The following ARHGEF35 variants were observed in gnomAD, a reference collection of about 807,000 sequenced individuals.
The protein encoded by ARHGEF35 is Rho guanine nucleotide exchange factor (GEF) 35.
For missense variants in ARHGEF35, 114 were observed against 449.7 expected (o/e 0.25, Z 6.75); for synonymous variants, 47 against 170.4 (o/e 0.28, Z 5.64).
At chr7:144,191,098 G>A (rs1456960450) in intron 1 of ARHGEF35, among the ~76,000 whole-genome samples, 1 of 110,948 alleles carries the variant, frequency 9.0e-6, no homozygotes, top group South Asian at 3.2e-4. Context: ...CGTCTCGCCC[G>A]GGCCACTGCA....
Position 144,187,125 on chromosome 7 carries a change from T to G in ARHGEF35, c.1259A>C (p.Asp420Ala). The G allele has an allele frequency of 6.5e-7, 1 of 1,528,058 alleles. No homozygotes were observed. The highest frequency in any genetic ancestry group is 9.0e-7 in the Non-Finnish European group (1 of 1,115,010). 94.7% of individuals were successfully genotyped at this position (1,528,058 alleles called of 1,614,324 possible). The stretch of plus-strand genomic sequence containing the variant: ...GAGATATGAGGCACCTGGAAACAGG[T>G]CACAGTGAGGAGAGTCCTCAGGGGC... ...LIAPEDSPHC[D>A]LFPGASYLVT... Residue 420 changes from aspartate to alanine, a missense_variant, in exon 2 of 2, where the codon GAC (aspartate) becomes GCC (alanine). Asp to Ala is a moderately radical substitution (Grantham distance 126). Coordinates refer to ENST00000378115, the MANE Select transcript of ARHGEF35 (RefSeq NM_001003702.3).
chr7:144,186,975 A>G lies in ARHGEF35; in HGVS notation c.1409T>C (p.Leu470Ser). The change falls in exon 2 of 2, where the codon TTG (leucine) becomes TCG (serine). Residue 470 changes from leucine to serine, a missense_variant. By Grantham distance (145) the Leu-to-Ser change is moderately radical. Coordinates refer to ENST00000378115, the MANE Select transcript of ARHGEF35 (RefSeq NM_001003702.3). ...HQPISLLGSFLTEESPDKEKL... is the reference protein window; with the variant it reads ...HQPISLLGSFSTEESPDKEKL... ...TTCCTTGTCAGGTGACTCCTCAGTC[A>G]AAAAGGAGCCCAGTAGAGAAATGGG... is the stretch of plus-strand genomic sequence containing the variant. The G allele has an allele frequency of 1.9e-6, 3 of 1,540,994 alleles. No individual in the cohort carries two copies. Among genetic ancestry groups the G allele is most frequent in the Non-Finnish European group, 2.7e-6 (3 of 1,120,894 alleles).
chr7:144,186,843 C>A lies in ARHGEF35; in HGVS notation c.*86G>T. The A allele has an allele frequency of 1.8e-6, 2 of 1,083,958 alleles. No homozygotes were observed. Among genetic ancestry groups the A allele is most frequent in the South Asian group, 3.3e-5 (2 of 60,200 alleles). The allele number at this position is 1,083,958 out of a possible 1,614,324, so 67.1% of individuals were successfully genotyped here. A position where few individuals can be genotyped will look rare whatever the true frequency, so the allele number is the denominator to read the frequency against. On this transcript the variant is annotated 3_prime_UTR_variant, in exon 2 of 2. Coordinates refer to ENST00000378115, the MANE Select transcript of ARHGEF35 (RefSeq NM_001003702.3). ...CTAAACATTTGGAAATTTAAAAACA[C>A]ACTTCACAATAATCTATCAGTCAAA...
chr7:144,192,230 TACACACAC>T lies in ARHGEF35; in HGVS notation c.-13+3300_-13+3307del, dbSNP rs2699831. 4.2e-3 allele frequency among the ~76,000 whole-genome samples: 265 copies of T among 62,656 alleles called. 1 individual carries two copies. Among genetic ancestry groups the T allele is most frequent in the East Asian group, 0.016 (42 of 2,628 alleles). The allele number at this position is 62,656 out of a possible 152,430, so 41.1% of individuals were successfully genotyped here. A position where few individuals can be genotyped will look rare whatever the true frequency, so the allele number is the denominator to read the frequency against. On this transcript the variant is annotated intron_variant, in intron 1 of 1. Coordinates refer to ENST00000378115, the MANE Select transcript of ARHGEF35 (RefSeq NM_001003702.3). The stretch of plus-strand genomic sequence containing the variant: ...TACTGTCCTGCTTAGCCACTGTGTG[TACACACAC>T]ACACACACACACACACACACACACA...
At position 144,186,769 on chromosome 7, in the gene ARHGEF35, A is replaced by G; in HGVS notation, c.*160T>C. The G allele has an allele frequency of 1.4e-6, 1 of 697,756 alleles. No homozygotes were observed. Among genetic ancestry groups the G allele is most frequent in the Non-Finnish European group, 2.2e-6 (1 of 446,856 alleles). 43.2% of individuals were successfully genotyped at this position (697,756 alleles called of 1,614,324 possible). A position where few individuals can be genotyped will look rare whatever the true frequency, so the allele number is the denominator to read the frequency against. ...CCAGAGCAGATGAAAACCAGAAATC[A>G]TTGTAGGGAATCCAATTGGAAATCA... On this transcript the variant is annotated 3_prime_UTR_variant, in exon 2 of 2. Coordinates refer to ENST00000378115, the MANE Select transcript of ARHGEF35 (RefSeq NM_001003702.3).
At position 144,187,070 on chromosome 7, in the gene ARHGEF35, C is replaced by A. The variant is rs567390207; in HGVS notation, c.1314G>T (p.Glu438Asp). ...LVTQIPGTQT[E>D]SRAEELSPAA... ...CGGGGGACAGTTCCTCAGCCCTGGACTCTGTCTGAGTCCCGGGAATCTGAG... is the reference window on the plus strand; with the variant it reads ...CGGGGGACAGTTCCTCAGCCCTGGAATCTGTCTGAGTCCCGGGAATCTGAG... The change falls in exon 2 of 2, where the codon GAG becomes GAT. Residue 438 changes from glutamate (E) to aspartate (D), a missense_variant. Coordinates refer to ENST00000378115, the MANE Select transcript of ARHGEF35 (RefSeq NM_001003702.3). The A allele has an allele frequency of 1.3e-6, 2 of 1,542,884 alleles. No individual in the cohort carries two copies. Among genetic ancestry groups the A allele is most frequent in the African/African-American group, 1.4e-5 (1 of 70,266 alleles).
chr7:144,190,790 G>A (rs1728724558), intron 1 of ARHGEF35, among the ~76,000 whole-genome samples: 1 of 150,230 alleles, frequency 6.7e-6, no homozygotes, highest in Non-Finnish European at 1.5e-5. Flanking sequence ...GAGCATGGTG[G>A]CACGTGCCTG....
At chr7:144,192,223 CTG>C (rs1487590078) in intron 1 of ARHGEF35, among the ~76,000 whole-genome samples, 2,181 of 97,828 alleles carry the variant, frequency 0.022, 22 homozygotes, top group African/African-American at 0.055. Flanking sequence ...TGCTTAGCCA[CTG>C]TGTGTACACA....
rs1230410584 is a variant in ARHGEF35, at chr7:144,186,965, C to G, written c.1419G>C (p.Glu473Asp). 1 of 1,535,690 alleles carries G rather than the reference C, an allele frequency of 6.5e-7. No homozygotes were observed. Among genetic ancestry groups the G allele is most frequent in the Admixed American group, 1.7e-5 (1 of 57,710 alleles). ...ATAGAAGTTTTTCCTTGTCAGGTGA[C>G]TCCTCAGTCAAAAAGGAGCCCAGTA... The part of the protein sequence containing the change: ...ISLLGSFLTE[E>D]SPDKEKLLSV... Residue 473 changes from glutamate (E) to aspartate (D), a missense_variant, in exon 2 of 2, where the codon GAG becomes GAC. By Grantham distance (45) the Glu-to-Asp change is conservative. Coordinates refer to ENST00000378115, the MANE Select transcript of ARHGEF35 (RefSeq NM_001003702.3).
intron 1 of ARHGEF35, among the ~76,000 whole-genome samples, chr7:144,189,874 T>C (rs1442429788): frequency 3.8e-5 from 5 of 133,298 alleles, no homozygotes; most frequent in Admixed American, 3.7e-4. Context: ...TGGTGCAATC[T>C]TGGGTCATTG....
At position 144,186,827 on chromosome 7, in the gene ARHGEF35, T is replaced by G. The variant is rs2051958085; in HGVS notation, c.*102A>C. On this transcript the variant is annotated 3_prime_UTR_variant, in exon 2 of 2. Transcript: ENST00000378115. ...AAAGATATGAAAATCCCTAAACATT[T>G]GGAAATTTAAAAACACACTTCACAA... The G allele has an allele frequency of 2.0e-6, 2 of 1,008,020 alleles. No individual in the cohort carries two copies. The highest frequency in any genetic ancestry group is 6.4e-5 in the Admixed American group (2 of 31,394). 62.4% of individuals were successfully genotyped at this position (1,008,020 alleles called of 1,614,324 possible).
Position 144,186,908 on chromosome 7 carries a change from T to C in ARHGEF35, c.*21A>G. The C allele has an allele frequency of 4.2e-6, 6 of 1,428,116 alleles. No homozygotes were observed. Among genetic ancestry groups the C allele is most frequent in the Non-Finnish European group, 5.7e-6 (6 of 1,056,006 alleles). The allele number at this position is 1,428,116 out of a possible 1,614,324, so 88.5% of individuals were successfully genotyped here. ...AAATTTAAAAATACATTGAACTGGA[T>C]AAACATGAAACTGTGACATATCAAA... On this transcript the variant is annotated 3_prime_UTR_variant, in exon 2 of 2. Transcript: ENST00000378115.
At position 144,189,806 on chromosome 7, in the gene ARHGEF35, C is replaced by CTTT. The variant is rs202193464; in HGVS notation, c.-12-1414_-12-1412dup. On this transcript the variant is annotated intron_variant, in intron 1 of 1. Transcript: ENST00000378115. ...TTTCCTCCAGTCTTTTTTTTTCTTT[C>CTTT]TTTTTTTTTTTTTTTTTTGAGATGG... Among the ~76,000 whole-genome samples, 154 of 102,048 alleles carry CTTT rather than the reference C, an allele frequency of 1.5e-3. 2 individuals carry two copies. Among genetic ancestry groups the CTTT allele is most frequent in the East Asian group, 5.2e-3 (18 of 3,492 alleles). The allele number at this position is 102,048 out of a possible 152,430, so 66.9% of individuals were successfully genotyped here.
chr7:144,186,846 T>G lies in ARHGEF35; in HGVS notation c.*83A>C. The G allele has an allele frequency of 9.0e-7, 1 of 1,112,866 alleles. No individual in the cohort carries two copies. Among genetic ancestry groups the G allele is most frequent in the Non-Finnish European group, 1.2e-6 (1 of 801,204 alleles). 68.9% of individuals were successfully genotyped at this position (1,112,866 alleles called of 1,614,324 possible). ...AACATTTGGAAATTTAAAAACACAC[T>G]TCACAATAATCTATCAGTCAAAGAA... On this transcript the variant is annotated 3_prime_UTR_variant, in exon 2 of 2. Coordinates refer to ENST00000378115, the MANE Select transcript of ARHGEF35 (RefSeq NM_001003702.3).
In ARHGEF35 at chr7:144,187,025, T is replaced by C. The variant is rs751101834; in HGVS notation, c.1359A>G (p.Leu453=). 5.2e-6 allele frequency: 8 copies of C among 1,545,528 alleles called. 1 individual carries two copies. The East Asian group carries it at 8.9e-5, about 17-fold the overall frequency. The change falls in exon 2 of 2, where the codon CTA becomes CTG. Residue 453 remains leucine, a synonymous_variant. Coordinates refer to ENST00000378115, the MANE Select transcript of ARHGEF35 (RefSeq NM_001003702.3). The stretch of plus-strand genomic sequence containing the variant: ...GCTGGTGAGAGCATCTGATGGGCTC[T>C]AGCAAGGGAGACAGAGCTGCGGGGG... ...ELSPAALSPL[L]EPIRCSHQPI...
rs188896862 is a variant in ARHGEF35, at chr7:144,189,695, G to A, written c.-12-1300C>T. Among the ~76,000 whole-genome samples the A allele has an allele frequency of 2.1e-3, 220 of 103,040 alleles. 15 individuals are homozygous for A. Among genetic ancestry groups the A allele is most frequent in the Admixed American group, 0.012 (112 of 9,170 alleles). 67.6% of individuals were successfully genotyped at this position (103,040 alleles called of 152,430 possible). On this transcript the variant is annotated intron_variant, in intron 1 of 1. Transcript: ENST00000378115. ...ACCTTATGGATCTTCACTTTGGGTG[G>A]TTCTTGTCAGTATTTGACAGTACTG...
chr7:144,192,209 G>A (rs2052009654), intron 1 of ARHGEF35, among the ~76,000 whole-genome samples: 1 of 103,690 alleles, frequency 9.6e-6, no homozygotes, highest in African/African-American at 4.5e-5. Flanking sequence ...TCAGAATACT[G>A]TCCTGCTTAG....
Position 144,186,785 on chromosome 7 carries a change from T to A in ARHGEF35, c.*144A>T. On this transcript the variant is annotated 3_prime_UTR_variant, in exon 2 of 2. Transcript: ENST00000378115. ...CCAGAAATCATTGTAGGGAATCCAA[T>A]TGGAAATCAGCATAAGAAAGATATG... 1.4e-6 allele frequency: 1 copy of A among 737,548 alleles called. No individual in the cohort carries two copies. Among genetic ancestry groups the A allele is most frequent in the Non-Finnish European group, 2.1e-6 (1 of 479,876 alleles). 45.7% of individuals were successfully genotyped at this position (737,548 alleles called of 1,614,324 possible). A position where few individuals can be genotyped will look rare whatever the true frequency, so the allele number is the denominator to read the frequency against.
intron 1 of ARHGEF35, among the ~76,000 whole-genome samples, chr7:144,189,989 A>G (rs1025023083): frequency 7.8e-6 from 1 of 129,008 alleles, no homozygotes; most frequent in Admixed American, 7.6e-5. Flanking sequence ...TACTTTTAGT[A>G]GAGACGGGGT....
Sources: gnomAD v4.1 joint callset for allele counts (sites outside exome capture counted in the v4.1 genomes callset) on GRCh38, gnomAD v4.1.1 for gene constraint, MANE v1.5 for transcripts, NCBI Gene and HGNC (gene_info 2026-07-23, HGNC 2026-07-21) for gene names.